The following PAGE2B variants were observed in gnomAD, a reference collection of about 807,000 sequenced individuals.
The protein encoded by PAGE2B is putative G antigen family E member 3.
PAGE2B carries 5 observed loss-of-function variants against 7.6 expected under a neutral mutation model. The ratio of observed to expected loss-of-function variants is 0.66; its 90% confidence interval spans 0.34 to 1.38. The LOEUF (loss-of-function observed/expected upper bound fraction) is 1.38. Among genes scored for constraint, PAGE2B ranks in the 40% most tolerant of loss-of-function variants. The pLI is 0.04. For missense variants in PAGE2B, 70 were observed against 78.4 expected (o/e 0.89, Z 0.41); for synonymous variants, 29 against 26.7 (o/e 1.09, Z -0.27).
the PAGE2B span, among the ~76,000 whole-genome samples, chrX:55,052,629 T>C: frequency 8.9e-6 from 1 of 112,970 alleles, no homozygotes; most frequent in Non-Finnish European, 1.9e-5. Context: ...TATAATCTCC[T>C]GGTGTGCCAT....
chrX:55,062,997 AC>A, the PAGE2B span, among the ~76,000 whole-genome samples: 1 of 111,520 alleles, frequency 9.0e-6, no homozygotes, highest in South Asian at 3.7e-4. Flanking sequence ...TGTTTTGGTT[AC>A]TATAGCTCTG....
the PAGE2B span, among the ~76,000 whole-genome samples, chrX:55,046,243 A>G: frequency 9.0e-6 from 1 of 111,229 alleles, no homozygotes; most frequent in African/African-American, 3.3e-5. Flanking sequence ...CCTCCTGAGT[A>G]GCTGGGATTA....
chrX:55,034,011 A>T, the PAGE2B span, among the ~76,000 whole-genome samples: 55 of 112,306 alleles, frequency 4.9e-4, no homozygotes, highest in African/African-American at 1.7e-3. Context: ...ATTTTTTCCT[A>T]CATTTTATCC....
At chrX:55,047,454 T>A in the PAGE2B span, among the ~76,000 whole-genome samples, 2 of 111,544 alleles carry the variant, frequency 1.8e-5, no homozygotes, top group Admixed American at 9.5e-5. Context: ...TGCTGGGTCA[T>A]ATGGTATTTC....
At chrX:55,047,620 T>G in the PAGE2B span, among the ~76,000 whole-genome samples, 2 of 112,040 alleles carry the variant, frequency 1.8e-5, no homozygotes, top group South Asian at 7.5e-4. Context: ...CTAACTGGTG[T>G]GAGATGGTAT....
At chrX:55,065,183 C>A in the PAGE2B span, among the ~76,000 whole-genome samples, 1 of 111,473 alleles carries the variant, frequency 9.0e-6, no homozygotes, top group African/African-American at 3.3e-5. Flanking sequence ...TGTGGTCTAT[C>A]TCTTTCTTTA....
the PAGE2B span, among the ~76,000 whole-genome samples, chrX:55,067,229 C>T: frequency 9.1e-5 from 10 of 110,345 alleles, no homozygotes; most frequent in South Asian, 7.9e-4. Flanking sequence ...TGACAGGCCC[C>T]GGTGTGTGAT....
the PAGE2B span, among the ~76,000 whole-genome samples, chrX:55,037,104 G>A: frequency 1.8e-5 from 2 of 111,461 alleles, no homozygotes; most frequent in Non-Finnish European, 3.8e-5. Flanking sequence ...TACCATCAGG[G>A]CGAACAGGCA....
chrX:55,077,905 C>A (rs1302652933), intron 4 of PAGE2B, among the ~76,000 whole-genome samples: 9 of 105,350 alleles, frequency 8.5e-5, no homozygotes, highest in Non-Finnish European at 1.2e-4. Context: ...TTGATGTAGC[C>A]ATTTTACAAT....
chrX:55,063,665 C>A, the PAGE2B span, among the ~76,000 whole-genome samples: 1 of 110,610 alleles, frequency 9.0e-6, no homozygotes, highest in Admixed American at 9.6e-5. Context: ...CAGTTTTTCC[C>A]CATTCAATAT....
At chrX:55,037,596 T>C in the PAGE2B span, among the ~76,000 whole-genome samples, 1 of 111,076 alleles carries the variant, frequency 9.0e-6, no homozygotes, top group Non-Finnish European at 1.9e-5. Context: ...TAAAGACACA[T>C]GCGCATGTAT....
chrX:55,041,471 T>G, the PAGE2B span, among the ~76,000 whole-genome samples: 2,018 of 112,235 alleles, frequency 0.018, 32 homozygotes, highest in East Asian at 0.059. Context: ...AGTTAAAAGG[T>G]TAAGCTGGTA....
chrX:55,037,484 G>T, the PAGE2B span, among the ~76,000 whole-genome samples: 16 of 111,298 alleles, frequency 1.4e-4, no homozygotes, highest in Non-Finnish European at 2.1e-4. Flanking sequence ...CATTGTGGAA[G>T]TCAGTGTGGC....
At chrX:55,074,269 A>T (rs112192799), upstream of PAGE2B, among the ~76,000 whole-genome samples, 4,867 of 111,810 alleles carry the variant, frequency 0.044, 285 homozygotes, top group African/African-American at 0.15. Flanking sequence ...CACCTGATCA[A>T]ATGATTCTGA....
chrX:55,073,706 T>C (rs1363810106), upstream of PAGE2B, among the ~76,000 whole-genome samples: 1 of 112,060 alleles, frequency 8.9e-6, no homozygotes, highest in African/African-American at 3.3e-5. Flanking sequence ...CTGATTTCTT[T>C]GGGCAGTGTT....
the PAGE2B span, among the ~76,000 whole-genome samples, chrX:55,046,969 G>A: frequency 2.7e-5 from 3 of 111,658 alleles, no homozygotes; most frequent in Non-Finnish European, 5.6e-5. Context: ...GGGTACATGT[G>A]CACAACGTGC....
chrX:55,050,622 G>A, the PAGE2B span, among the ~76,000 whole-genome samples: 62 of 110,770 alleles, frequency 5.6e-4, no homozygotes, highest in South Asian at 3.1e-3. Context: ...CAGAGACTAG[G>A]ATTGCAACCC....
the PAGE2B span, chrX:55,030,951 T>C: frequency 5.9e-6 from 2 of 340,624 alleles, no homozygotes; most frequent in African/African-American, 2.7e-5. Context: ...CCTGTTGCCC[T>C]GCACTGAGGA....
the PAGE2B span, among the ~76,000 whole-genome samples, chrX:55,036,852 A>G: frequency 1.8e-5 from 2 of 110,291 alleles, no homozygotes; most frequent in Non-Finnish European, 3.8e-5. Flanking sequence ...AGCCATATGT[A>G]GAAAGCTGAA....
Sources: allele counts gnomAD v4.1 joint callset (sites outside exome capture counted in the v4.1 genomes callset), GRCh38; gene constraint gnomAD v4.1.1; transcripts MANE v1.5; gene names NCBI Gene and HGNC (gene_info 2026-07-23, HGNC 2026-07-21).